Variants in ULK4 observed in about 807,000 individuals in gnomAD.
ULK4 encodes unc-51 like kinase 4, also known as inactive serine/threonine-protein kinase ULK4.
ULK4 carries 133 observed loss-of-function variants against 160.6 expected under a neutral mutation model. The observed-to-expected ratio is 0.83, with a 90% CI of 0.72 to 0.96. The LOEUF (loss-of-function observed/expected upper bound fraction) is 0.96, where lower values mean the gene tolerates loss of function less well. Ranked by LOEUF, ULK4 falls within the 40% of genes least tolerant of loss-of-function variation. ULK4 has a pLI of 0.00. For missense variants in ULK4, 1,580 were observed against 1,499.5 expected, an observed-to-expected ratio of 1.05 and a Z score of -0.89; for synonymous variants, 534 against 539.8, an observed-to-expected ratio of 0.99 and a Z score of 0.15.
At position 41,870,954 on chromosome 3, in the gene ULK4, A is replaced by G. The variant is rs1481778991; in HGVS notation, c.1656+12920T>C. Among the ~76,000 whole-genome samples, 3 of 152,166 alleles carry G rather than the reference A, an allele frequency of 2.0e-5. No homozygotes were observed. The East Asian group carries it at 5.8e-4, about 29-fold the overall frequency. ...GGGTGGTTTCCCTCATGCTATTCTCATAACAGTGAGTTCTCACAAGATCTG... is the reference window on the plus strand; with the variant it reads ...GGGTGGTTTCCCTCATGCTATTCTCGTAACAGTGAGTTCTCACAAGATCTG... On this transcript the variant is annotated intron_variant, in intron 17 of 36. Coordinates refer to ENST00000301831, the MANE Select transcript of ULK4 (RefSeq NM_017886.4).
At chr3:41,638,862 C>T (rs913686742) in intron 30 of ULK4, among the ~76,000 whole-genome samples, 1 of 152,158 alleles carries the variant, frequency 6.6e-6, no homozygotes, top group African/African-American at 2.4e-5. Flanking sequence ...AGTAGACTGC[C>T]AGTGGCAGGT....
chr3:41,617,048 C>T (rs569370424), intron 30 of ULK4, among the ~76,000 whole-genome samples: 2 of 152,306 alleles, frequency 1.3e-5, no homozygotes, highest in East Asian at 3.9e-4. Flanking sequence ...GACTGCTTCT[C>T]TAGATTCCTC....
At chr3:41,760,170 G>A (rs1389079894) in intron 21 of ULK4, among the ~76,000 whole-genome samples, 1 of 152,068 alleles carries the variant, frequency 6.6e-6, no homozygotes, top group Non-Finnish European at 1.5e-5. Context: ...CTGTCGAATA[G>A]ATGCAAGGAT....
At chr3:41,787,423 G>C (rs1390898522) in intron 21 of ULK4, among the ~76,000 whole-genome samples, 1 of 152,152 alleles carries the variant, frequency 6.6e-6, no homozygotes, top group African/African-American at 2.4e-5. Flanking sequence ...TCACCCAGCA[G>C]TAATGAGGAG....
chr3:41,588,466 C>T (rs1257127394), intron 31 of ULK4, among the ~76,000 whole-genome samples: 2 of 152,028 alleles, frequency 1.3e-5, no homozygotes, highest in African/African-American at 4.8e-5. Context: ...CTGAGTTTAC[C>T]ACTCTGAACT....
chr3:41,362,087 G>A (rs933643408), intron 35 of ULK4, among the ~76,000 whole-genome samples: 1 of 152,160 alleles, frequency 6.6e-6, no homozygotes, highest in African/African-American at 2.4e-5. Context: ...CAATTAACCA[G>A]AAGAGCCCAC....
intron 18 of ULK4, 73 bp from the exon 19 acceptor site, chr3:41,819,579 G>T: frequency 7.6e-7 from 1 of 1,307,588 alleles, no homozygotes; most frequent in Non-Finnish European, 1.1e-6. Context: ...CAAGCAAATG[G>T]CACAGCTCCA....
intron 3 of ULK4, chr3:41,937,188 G>A: frequency 2.2e-6 from 1 of 462,400 alleles, no homozygotes. Context: ...TGGGTGACGT[G>A]CAGTTACAAA....
At chr3:41,937,309 C>T (rs1443596769) in intron 3 of ULK4, 1 of 692,618 alleles carries the variant, frequency 1.4e-6, no homozygotes, top group African/African-American at 1.8e-5. Context: ...TCCATGTGTA[C>T]ATCCATGGAA....
At chr3:41,261,099 TTAG>T (rs1180356746) in intron 35 of ULK4, among the ~76,000 whole-genome samples, 12 of 152,078 alleles carry the variant, frequency 7.9e-5, no homozygotes, top group Non-Finnish European at 1.8e-4. Context: ...ACACAGGGCA[TTAG>T]TAGATGTGCG....
chr3:41,742,336 A>G (rs1426541354), intron 22 of ULK4, among the ~76,000 whole-genome samples: 2 of 151,988 alleles, frequency 1.3e-5, no homozygotes, highest in Non-Finnish European at 2.9e-5. Flanking sequence ...TCCCTGCCCA[A>G]TAGAAACAGG....
chr3:41,801,575 A>T (rs1250662972), intron 19 of ULK4, among the ~76,000 whole-genome samples: 2 of 151,838 alleles, frequency 1.3e-5, no homozygotes, highest in African/African-American at 2.4e-5. Context: ...ATGGACAAGG[A>T]GCAATGTCCC....
At chr3:41,628,392 A>G (rs1490900129) in intron 30 of ULK4, among the ~76,000 whole-genome samples, 1 of 152,190 alleles carries the variant, frequency 6.6e-6, no homozygotes, top group African/African-American at 2.4e-5. Flanking sequence ...CATCACAGTC[A>G]TAAGACATAT....
intron 35 of ULK4, among the ~76,000 whole-genome samples, chr3:41,383,731 C>A (rs2081731026): frequency 6.6e-6 from 1 of 152,192 alleles, no homozygotes; most frequent in Non-Finnish European, 1.5e-5. Context: ...CCTTGGTTCT[C>A]AAGAGGCTGC....
At chr3:41,311,017 A>G (rs1352280947) in intron 35 of ULK4, among the ~76,000 whole-genome samples, 2 of 151,752 alleles carry the variant, frequency 1.3e-5, no homozygotes, top group Admixed American at 1.3e-4. Context: ...ATAATAAATA[A>G]ATAAATAAAA....
chr3:41,501,962 CCTGT>C (rs1158947310), intron 32 of ULK4, among the ~76,000 whole-genome samples: 1 of 152,184 alleles, frequency 6.6e-6, no homozygotes, highest in African/African-American at 2.4e-5. Context: ...TCTTTCTGTG[CCTGT>C]CTTACTTCAC....
intron 35 of ULK4, among the ~76,000 whole-genome samples, chr3:41,293,519 T>C (rs925358777): frequency 1.3e-5 from 2 of 152,156 alleles, no homozygotes; most frequent in African/African-American, 2.4e-5. Context: ...CCATACAACA[T>C]GTTACAGGCT....
At chr3:41,477,086 T>A (rs2084167127) in intron 32 of ULK4, among the ~76,000 whole-genome samples, 1 of 152,120 alleles carries the variant, frequency 6.6e-6, no homozygotes, top group African/African-American at 2.4e-5. Flanking sequence ...TAATATTCCA[T>A]CCCAACATCT....
chr3:41,775,628 A>G lies in ULK4; in HGVS notation c.2193+14033T>C, dbSNP rs548616030. 1.3e-5 allele frequency among the ~76,000 whole-genome samples: 2 copies of G among 150,590 alleles called. 1 individual carries two copies. The highest frequency in any genetic ancestry group is 5.0e-5 in the African/African-American group (2 of 40,054). Reference sequence around the variant, plus strand: ...TGGCCAGGCTGGTCTTGAACTCCTGACCTCAGGTGATCCACCCACCTCAGC... The same window carrying G: ...TGGCCAGGCTGGTCTTGAACTCCTGGCCTCAGGTGATCCACCCACCTCAGC... On this transcript the variant is annotated intron_variant, in intron 21 of 36. Transcript: ENST00000301831.
Sources: allele counts gnomAD v4.1 joint callset (sites outside exome capture counted in the v4.1 genomes callset), GRCh38; gene constraint gnomAD v4.1.1; transcripts MANE v1.5; gene names NCBI Gene and HGNC (gene_info 2026-07-23, HGNC 2026-07-21).